MACROD2: variants seen among roughly 807,000 people sequenced by gnomAD.
MACROD2 encodes the protein ADP-ribose glycohydrolase MACROD2.
A neutral mutation model predicts 70.4 loss-of-function variants in MACROD2; 36 were observed. That is an observed-to-expected ratio of 0.51 (90% CI 0.39 to 0.68). MACROD2 has a LOEUF of 0.68. Among genes scored for constraint, MACROD2 ranks in the 30% least tolerant of loss-of-function variants. MACROD2 has a pLI of 0.00. For missense variants in MACROD2, 496 were observed against 538.4 expected, an observed-to-expected ratio of 0.92 and a Z score of 0.78; for synonymous variants, 172 against 178.8, an observed-to-expected ratio of 0.96 and a Z score of 0.30.
At chr20:15,667,296 C>T (rs373052616) in intron 8 of MACROD2, among the ~76,000 whole-genome samples, 138 of 152,270 alleles carry the variant, frequency 9.1e-4, no homozygotes, top group African/African-American at 3.0e-3. Context: ...CCCGCTTCAC[C>T]TTCCGCTGTG....
At chr20:15,416,910 A>T (rs366325) in intron 6 of MACROD2, among the ~76,000 whole-genome samples, 27,165 of 152,066 alleles carry the variant, frequency 0.18, 2,616 homozygotes, top group Non-Finnish European at 0.22. Context: ...CTCAAAAAAA[A>T]AAAGAAGTGG....
chr20:14,845,920 G>C (rs901529213), intron 5 of MACROD2, among the ~76,000 whole-genome samples: 10 of 152,008 alleles, frequency 6.6e-5, no homozygotes, highest in Non-Finnish European at 1.2e-4. Context: ...CCATGTAATT[G>C]ACCAAGAACC....
chr20:14,646,915 A>C (rs1306753010), intron 4 of MACROD2, among the ~76,000 whole-genome samples: 2 of 152,102 alleles, frequency 1.3e-5, no homozygotes, highest in Non-Finnish European at 1.5e-5. Flanking sequence ...TGCTTCATGC[A>C]TATAAATATG....
At chr20:14,987,107 G>A (rs1432333340) in intron 5 of MACROD2, among the ~76,000 whole-genome samples, 1 of 151,958 alleles carries the variant, frequency 6.6e-6, no homozygotes, top group African/African-American at 2.4e-5. Flanking sequence ...AATGCCATAG[G>A]AAAAAAGTTA....
intron 6 of MACROD2, among the ~76,000 whole-genome samples, chr20:15,251,623 T>G (rs2077156830): frequency 6.6e-6 from 1 of 152,232 alleles, no homozygotes; most frequent in Non-Finnish European, 1.5e-5. Context: ...CTCAATGATA[T>G]TTTATTAATA....
At chr20:14,979,538 T>A (rs759357166) in intron 5 of MACROD2, among the ~76,000 whole-genome samples, 68 of 152,178 alleles carry the variant, frequency 4.5e-4, no homozygotes, top group Non-Finnish European at 8.1e-4. Context: ...AGAGCAAAGT[T>A]TAAATTGCTT....
At chr20:15,888,349 C>T (rs890226423) in intron 10 of MACROD2, among the ~76,000 whole-genome samples, 1 of 152,094 alleles carries the variant, frequency 6.6e-6, no homozygotes, top group African/African-American at 2.4e-5. Flanking sequence ...AATCTTAATG[C>T]TTGCCATTCT....
chr20:14,230,699 ATG>A (rs1184545550), intron 3 of MACROD2, among the ~76,000 whole-genome samples: 16 of 113,228 alleles, frequency 1.4e-4, no homozygotes, highest in African/African-American at 3.3e-4. Context: ...ATATATATAT[ATG>A]GGCCCAGCCT....
chr20:15,188,607 A>G (rs1246906423), intron 5 of MACROD2, among the ~76,000 whole-genome samples: 1 of 152,226 alleles, frequency 6.6e-6, no homozygotes. Flanking sequence ...CCCAGGTCAT[A>G]AGATGATGCC....
chr20:15,023,014 G>A (rs1338296123), intron 5 of MACROD2: 2 of 151,864 alleles, frequency 1.3e-5, no homozygotes, highest in Non-Finnish European at 2.9e-5. Context: ...CTTTTCCAGA[G>A]TGTCATATAG....
Position 14,989,492 on chromosome 20 carries a change from A to G in MACROD2, c.419-240448A>G, listed in dbSNP as rs547037724. ...AAAGGGCAGTGCAGGCAGATTCAAGAAAAGGGAGTGGAGGCAGACTCAAGA... is the reference window on the plus strand; with the variant it reads ...AAAGGGCAGTGCAGGCAGATTCAAGGAAAGGGAGTGGAGGCAGACTCAAGA... On this transcript the variant is annotated intron_variant, in intron 5 of 17. Transcript: ENST00000684519. Among the ~76,000 whole-genome samples, 5 of 152,254 alleles carry G rather than the reference A, an allele frequency of 3.3e-5. No homozygotes were observed. In the East Asian group the frequency reaches 7.7e-4, roughly 24 times the overall value.
chr20:15,568,560 G>GAGCAGT (rs1224055842), intron 8 of MACROD2, among the ~76,000 whole-genome samples: 1 of 152,208 alleles, frequency 6.6e-6, no homozygotes, highest in Non-Finnish European at 1.5e-5. Flanking sequence ...CTTAGGAAGA[G>GAGCAGT]AGCAGTAGCA....
intron 8 of MACROD2, among the ~76,000 whole-genome samples, chr20:15,593,505 G>GT (rs200966076): frequency 0.021 from 3,155 of 152,218 alleles, 47 homozygotes; most frequent in Non-Finnish European, 0.035. Context: ...AGACATTATT[G>GT]TTTTTCCTTA....
intron 12 of MACROD2, among the ~76,000 whole-genome samples, chr20:15,947,431 C>A (rs1460920798): frequency 1.4e-5 from 1 of 70,272 alleles, no homozygotes; most frequent in Non-Finnish European, 3.6e-5. Flanking sequence ...ACCAAGCATA[C>A]AGCCTGTAAA....
chr20:14,723,609 A>G (rs1453074315), intron 5 of MACROD2, among the ~76,000 whole-genome samples: 1 of 150,126 alleles, frequency 6.7e-6, no homozygotes, highest in African/African-American at 2.5e-5. Context: ...ATATCTAAAT[A>G]ATTTTCAAAG....
At chr20:14,241,588 C>T (rs985050361) in intron 3 of MACROD2, among the ~76,000 whole-genome samples, 1 of 151,800 alleles carries the variant, frequency 6.6e-6, no homozygotes, top group African/African-American at 2.4e-5. Flanking sequence ...GTAACCATGG[C>T]CACCACCTTT....
At chr20:15,087,527 G>C (rs1369600705) in intron 5 of MACROD2, among the ~76,000 whole-genome samples, 1 of 151,990 alleles carries the variant, frequency 6.6e-6, no homozygotes, top group African/African-American at 2.4e-5. Flanking sequence ...TTTGGAAGGA[G>C]AGCAGAGCTA....
rs1185622951 is a variant in MACROD2 at position 14,571,394 on chromosome 20, A to C, written c.301+77886A>C. On this transcript the variant is annotated intron_variant, in intron 4 of 17. Coordinates refer to ENST00000684519, the MANE Select transcript of MACROD2 (RefSeq NM_001351661.2). Reference sequence around the variant, plus strand: ...AAAGTCATGAAGTCCAGATGATTAAAGTTATTTTTAGTTTTATTATAATCA... The same window carrying C: ...AAAGTCATGAAGTCCAGATGATTAACGTTATTTTTAGTTTTATTATAATCA... Among the ~76,000 whole-genome samples, 10 of 152,180 alleles carry C rather than the reference A, an allele frequency of 6.6e-5. No homozygotes were observed. The East Asian group carries it at 1.4e-3, about 21-fold the overall frequency.
chr20:15,246,425 G>A (rs2077106356), intron 6 of MACROD2, among the ~76,000 whole-genome samples: 1 of 152,188 alleles, frequency 6.6e-6, no homozygotes, highest in Non-Finnish European at 1.5e-5. Context: ...TGGTATCACA[G>A]AAAGAAAGTT....
Sources: gnomAD v4.1 joint callset for allele counts (sites outside exome capture counted in the v4.1 genomes callset) on GRCh38, gnomAD v4.1.1 for gene constraint, MANE v1.5 for transcripts, NCBI Gene and HGNC (gene_info 2026-07-23, HGNC 2026-07-21) for gene names.